Variants in SLC25A13 observed in about 807,000 individuals in gnomAD.
SLC25A13 encodes the protein solute carrier family 25 member 13.
In SLC25A13, 70 loss-of-function variants were observed where a neutral mutation model predicts 85.5. That is an observed-to-expected ratio of 0.82 (90% CI 0.68 to 1.00). The LOEUF (loss-of-function observed/expected upper bound fraction) is 1.00. Ranked by LOEUF, SLC25A13 falls within the 50% of genes least tolerant of loss-of-function variation. The probability of loss-of-function intolerance (pLI) is 0.00; values close to 1 mark genes in which losing one functional copy is unlikely to be tolerated. For synonymous variants in SLC25A13, 259 were observed against 288.7 expected (o/e 0.90, Z 1.04); for missense variants, 765 against 819.8 (o/e 0.93, Z 0.82).
At chr7:96,122,137 A>C in intron 15 of SLC25A13, 140 bp from the exon 16 acceptor site, 2 of 1,079,920 alleles carry the variant, frequency 1.9e-6, no homozygotes, top group Non-Finnish European at 2.7e-6. Context: ...CTCTATGGGA[A>C]ATGCAACCAT....
intron 1 of SLC25A13, among the ~76,000 whole-genome samples, chr7:96,318,938 A>G (rs1800226695): frequency 6.6e-6 from 1 of 152,148 alleles, no homozygotes; most frequent in African/African-American, 2.4e-5. Flanking sequence ...GGGAATGCCA[A>G]CCCTACCCCT....
intron 3 of SLC25A13, among the ~76,000 whole-genome samples, chr7:96,258,322 T>C (rs1473422094): frequency 6.6e-6 from 1 of 152,146 alleles, no homozygotes; most frequent in Non-Finnish European, 1.5e-5. Flanking sequence ...GAAAACCCCA[T>C]CGTCTCAGCC....
At position 96,184,441 on chromosome 7, in the gene SLC25A13, A is replaced by G. The variant is rs1207471194; in HGVS notation, c.1019-6T>C. On this transcript the variant is annotated splice_region_variant and splice_polypyrimidine_tract_variant and intron_variant, in intron 10 of 17. Coordinates refer to ENST00000265631, the MANE Select transcript of SLC25A13 (RefSeq NM_014251.3). Reference sequence around the variant, plus strand: ...CACAGCAGTGGCTCCAACAGCTAAAATTAAACAATATCATTATCTCAGAAG... The same window carrying G: ...CACAGCAGTGGCTCCAACAGCTAAAGTTAAACAATATCATTATCTCAGAAG... 1.9e-6 allele frequency: 3 copies of G among 1,613,548 alleles called. No homozygotes were observed. Among genetic ancestry groups the G allele is most frequent in the African/African-American group, 2.7e-5 (2 of 74,938 alleles).
At chr7:96,286,971 G>T (rs1268854224) in intron 2 of SLC25A13, among the ~76,000 whole-genome samples, 2 of 152,140 alleles carry the variant, frequency 1.3e-5, no homozygotes, top group Non-Finnish European at 2.9e-5. Context: ...TCTTTACACA[G>T]GTTAGCAGAG....
At chr7:96,173,298 A>G (rs940188115) in intron 11 of SLC25A13, among the ~76,000 whole-genome samples, 5 of 152,238 alleles carry the variant, frequency 3.3e-5, no homozygotes, top group African/African-American at 9.6e-5. Context: ...TACAAAATGT[A>G]TTAACTCATT....
At chr7:96,274,355 G>GT (rs1039547381) in intron 3 of SLC25A13, among the ~76,000 whole-genome samples, 8 of 152,256 alleles carry the variant, frequency 5.3e-5, no homozygotes, top group African/African-American at 1.9e-4. Context: ...TGATGGCGCT[G>GT]TTTGTTTTTT....
chr7:96,202,586 G>A (rs1238688753), intron 5 of SLC25A13, among the ~76,000 whole-genome samples: 1 of 152,086 alleles, frequency 6.6e-6, no homozygotes, highest in Non-Finnish European at 1.5e-5. Flanking sequence ...AGCAATAGCT[G>A]GATGACCCCT....
rs2117049899 is a variant in SLC25A13, at chr7:96,321,974, G to A, written c.-18C>T. On this transcript the variant is annotated 5_prime_UTR_variant, in exon 1 of 18. Transcript: ENST00000265631. Reference sequence around the variant, plus strand: ...GCCGCCATGATTCGCCCCGGTTGCGGGCGACTGCGGGACCCACTGACTGGC... The same window carrying A: ...GCCGCCATGATTCGCCCCGGTTGCGAGCGACTGCGGGACCCACTGACTGGC... The A allele has an allele frequency of 1.3e-6, 2 of 1,539,034 alleles. No homozygotes were observed. Among genetic ancestry groups the A allele is most frequent in the South Asian group, 2.4e-5 (2 of 82,374 alleles).
At chr7:96,311,160 C>T (rs1156421195) in intron 1 of SLC25A13, among the ~76,000 whole-genome samples, 1 of 152,094 alleles carries the variant, frequency 6.6e-6, no homozygotes, top group East Asian at 1.9e-4. Flanking sequence ...CCAGGAAGGG[C>T]AAATGTTAAT....
Position 96,184,989 on chromosome 7 carries a change from C to T in SLC25A13, c.956G>A (p.Arg319Gln), listed in dbSNP as rs771449632. 6.2e-6 allele frequency: 10 copies of T among 1,613,960 alleles called. No homozygotes were observed. The highest frequency in any genetic ancestry group is 2.2e-5 in the South Asian group (2 of 91,050). ...CTCTGCAACTTGTAGAAGAACTGGT[C>T]GAGCTGAATCACCTGAGGCCTTCTG... ...QRQKASGDSA[R>Q]PVLLQVAESA... The change falls in exon 10 of 18, where the codon CGA (arginine) becomes CAA (glutamine). Residue 319 changes from arginine (R) to glutamine (Q), a missense_variant. Arg to Gln is a conservative substitution (Grantham distance 43). Coordinates refer to ENST00000265631, the MANE Select transcript of SLC25A13 (RefSeq NM_014251.3).
intron 13 of SLC25A13, among the ~76,000 whole-genome samples, chr7:96,152,990 T>G (rs973832195): frequency 1.3e-5 from 2 of 152,042 alleles, no homozygotes; most frequent in African/African-American, 4.8e-5. Context: ...CAAGAGACAA[T>G]GACAATTCAT....
chr7:96,268,536 G>A (rs1300575257), intron 3 of SLC25A13, among the ~76,000 whole-genome samples: 2 of 152,092 alleles, frequency 1.3e-5, no homozygotes, highest in Non-Finnish European at 2.9e-5. Context: ...GACACTCAAA[G>A]TCTCCTCTCA....
At chr7:96,131,309 G>A (rs1270305379) in intron 15 of SLC25A13, among the ~76,000 whole-genome samples, 1 of 152,160 alleles carries the variant, frequency 6.6e-6, no homozygotes, top group African/African-American at 2.4e-5. Context: ...GTCTTTTCTG[G>A]TTCTACTACA....
At chr7:96,170,256 T>G (rs1793943661) in intron 12 of SLC25A13, 131 bp from the exon 13 acceptor site, 1 of 786,722 alleles carries the variant, frequency 1.3e-6, no homozygotes. Flanking sequence ...ATTGCACAAT[T>G]TAACAGATCT....
intron 4 of SLC25A13, among the ~76,000 whole-genome samples, chr7:96,214,048 CA>C (rs1208418341): frequency 1.3e-5 from 2 of 152,118 alleles, no homozygotes; most frequent in Admixed American, 1.3e-4. Context: ...AAGACCTCAC[CA>C]AATAAGCTCA....
intron 13 of SLC25A13, among the ~76,000 whole-genome samples, chr7:96,146,912 T>C (rs918712325): frequency 2.0e-5 from 3 of 152,202 alleles, no homozygotes; most frequent in Non-Finnish European, 4.4e-5. Context: ...ATGTGGAGGC[T>C]GAAGGAGGGC....
intron 13 of SLC25A13, among the ~76,000 whole-genome samples, chr7:96,164,048 T>C (rs1311497896): frequency 1.3e-5 from 2 of 152,230 alleles, no homozygotes; most frequent in East Asian, 3.8e-4. Context: ...GCATTAAAGA[T>C]GGCTGCAACA....
intron 13 of SLC25A13, among the ~76,000 whole-genome samples, chr7:96,154,736 C>T (rs1685258356): frequency 6.6e-6 from 1 of 151,848 alleles, no homozygotes; most frequent in African/African-American, 2.4e-5. Flanking sequence ...CGATGGTTTA[C>T]TCATCTTTTT....
Position 96,121,098 on chromosome 7 carries a change from C to A in SLC25A13, c.*93G>T, listed in dbSNP as rs537886271. On this transcript the variant is annotated 3_prime_UTR_variant, in exon 18 of 18. Coordinates refer to ENST00000265631, the MANE Select transcript of SLC25A13 (RefSeq NM_014251.3). ...GACTTGAATTTAAACAAGAGATGGA[C>A]GTAAAAGGGATGAAGCATTGCTTCA... is the stretch of plus-strand genomic sequence containing the variant. 2 of 1,353,890 alleles carry A rather than the reference C, an allele frequency of 1.5e-6. No homozygotes were observed. Among genetic ancestry groups the A allele is most frequent in the South Asian group, 1.2e-5 (1 of 84,732 alleles). The allele number at this position is 1,353,890 out of a possible 1,614,324, so 83.9% of individuals were successfully genotyped here.
Sources: allele counts gnomAD v4.1 joint callset (sites outside exome capture counted in the v4.1 genomes callset), GRCh38; gene constraint gnomAD v4.1.1; transcripts MANE v1.5; gene names NCBI Gene and HGNC (gene_info 2026-07-23, HGNC 2026-07-21).